The following ASB3 variants were observed in gnomAD, a reference collection of about 807,000 sequenced individuals.
ASB3 encodes the protein ankyrin repeat and SOCS box protein 3.
ASB3 carries 41 observed loss-of-function variants against 54.5 expected under a neutral mutation model. That is an observed-to-expected ratio of 0.75 (90% confidence interval 0.59 to 0.98). ASB3 has a LOEUF of 0.98. Among genes scored for constraint, ASB3 ranks in the 50% least tolerant of loss-of-function variants. The probability of loss-of-function intolerance (pLI) is 0.00; values close to 1 mark genes in which losing one functional copy is unlikely to be tolerated. For synonymous variants in ASB3, 266 were observed against 221.2 expected (o/e 1.20, Z -1.80); for missense variants, 733 against 620.0 (o/e 1.18, Z -1.94).
intron 3 of ASB3, among the ~76,000 whole-genome samples, chr2:53,731,066 C>T (rs1206090516): frequency 6.6e-6 from 1 of 152,080 alleles, no homozygotes; most frequent in Non-Finnish European, 1.5e-5. Flanking sequence ...TGAATTTATA[C>T]CAAAGCTTAT....
intron 1 of ASB3, among the ~76,000 whole-genome samples, chr2:53,781,412 CA>C (rs201329287): frequency 0.08 from 8,271 of 103,438 alleles, 382 homozygotes; most frequent in East Asian, 0.32. Context: ...ACTCTGTCTC[CA>C]AAAAAAAAAA....
intron 3 of ASB3, among the ~76,000 whole-genome samples, chr2:53,735,359 A>T (rs539583609): frequency 3.5e-4 from 54 of 152,280 alleles, no homozygotes; most frequent in African/African-American, 1.2e-3. Flanking sequence ...AAGTATTTCC[A>T]TCCAGACATT....
intron 8 of ASB3, 133 bp downstream of exon 8, chr2:53,700,138 C>G: frequency 1.4e-6 from 2 of 1,391,404 alleles, no homozygotes; most frequent in Non-Finnish European, 1.9e-6. Flanking sequence ...GCCACCAACT[C>G]CTTCACCCCA....
At chr2:53,723,599 GAACCAA>G (rs1670832228) in intron 5 of ASB3, among the ~76,000 whole-genome samples, 1 of 151,856 alleles carries the variant, frequency 6.6e-6, no homozygotes, top group African/African-American at 2.4e-5. Flanking sequence ...AATTCATATG[GAACCAA>G]AAAAGGGCAC....
intron 1 of ASB3, among the ~76,000 whole-genome samples, chr2:53,781,497 AT>A (rs913325367): frequency 4.1e-5 from 6 of 146,270 alleles, no homozygotes; most frequent in South Asian, 2.2e-4. Flanking sequence ...GATTCTTTCC[AT>A]TTTTTTTTTC....
At chr2:53,775,319 T>C (rs1674252936) in intron 1 of ASB3, 1 of 152,228 alleles carries the variant, frequency 6.6e-6, no homozygotes, top group Non-Finnish European at 1.5e-5. Context: ...TTGGAATTCT[T>C]TGTCTGTCAC....
At chr2:53,718,609 G>C (rs768083870) in intron 5 of ASB3, among the ~76,000 whole-genome samples, 12 of 152,002 alleles carry the variant, frequency 7.9e-5, no homozygotes, top group Non-Finnish European at 1.8e-4. Context: ...TCATACAATA[G>C]AAACTGCAAA....
intron 1 of ASB3, among the ~76,000 whole-genome samples, chr2:53,771,415 A>AG (rs35718629): frequency 2.4e-4 from 36 of 152,158 alleles, no homozygotes; most frequent in Non-Finnish European, 4.1e-4. Flanking sequence ...CAGGAGGCTG[A>AG]GGTGAGAGAA....
chr2:53,696,780 T>C (rs1669203677), intron 8 of ASB3, among the ~76,000 whole-genome samples: 1 of 152,136 alleles, frequency 6.6e-6, no homozygotes, highest in Non-Finnish European at 1.5e-5. Flanking sequence ...TTACATAGCA[T>C]TTATAAGGCA....
intron 1 of ASB3, among the ~76,000 whole-genome samples, chr2:53,779,587 C>T (rs1449350767): frequency 1.3e-5 from 2 of 152,138 alleles, no homozygotes; most frequent in African/African-American, 4.8e-5. Flanking sequence ...CTGGCATGTG[C>T]CACCATGCCT....
At chr2:53,715,192 A>C (rs1363087513) in intron 6 of ASB3, among the ~76,000 whole-genome samples, 1 of 152,168 alleles carries the variant, frequency 6.6e-6, no homozygotes, top group Non-Finnish European at 1.5e-5. Context: ...AGAAAGTTCT[A>C]AGAAAATAAT....
intron 2 of ASB3, 120 bp downstream of exon 2, chr2:53,765,257 T>C (rs1449714269): frequency 7.3e-7 from 1 of 1,365,576 alleles, no homozygotes; most frequent in African/African-American, 1.5e-5. Flanking sequence ...ATTCAGGCAG[T>C]TATTTTATGA....
rs756134428 is a variant in ASB3 at position 53,683,987 on chromosome 2, A to G, written c.1369+9897T>C. Among the ~76,000 whole-genome samples the G allele has an allele frequency of 6.6e-5, 10 of 151,852 alleles. 1 individual carries two copies. The highest frequency in any genetic ancestry group is 4.6e-4 in the Admixed American group (7 of 15,248). On this transcript the variant is annotated intron_variant, in intron 9 of 9. Transcript: ENST00000263634. The stretch of plus-strand genomic sequence containing the variant: ...TGATCTTTATTATTTCTTTTCTTCT[A>G]GTAATTTTGCGTTTGGTTTGCTCTG...
At chr2:53,759,802 G>A (rs1023006748) in intron 2 of ASB3, among the ~76,000 whole-genome samples, 17 of 152,294 alleles carry the variant, frequency 1.1e-4, no homozygotes, top group East Asian at 1.9e-4. Context: ...CCCAGGGGAC[G>A]AAGGTCCTCT....
At chr2:53,768,112 C>A in intron 1 of ASB3, 1 of 1,449,010 alleles carries the variant, frequency 6.9e-7, no homozygotes, top group Non-Finnish European at 9.4e-7. Context: ...AGAACCACAC[C>A]TTAGCGCTTC....
rs1667744093 is a variant in ASB3, at chr2:53,670,218, C to T, written c.*285G>A. On this transcript the variant is annotated 3_prime_UTR_variant, in exon 10 of 10. Transcript: ENST00000263634. Reference sequence around the variant, plus strand: ...TAAAGCAGAAAATGATCAAAATGATCAGGTAAATAAATATTACAACATATA... The same window carrying T: ...TAAAGCAGAAAATGATCAAAATGATTAGGTAAATAAATATTACAACATATA... 2.6e-5 allele frequency: 6 copies of T among 229,832 alleles called. No homozygotes were observed. In the South Asian group the frequency reaches 5.4e-4, roughly 21 times the overall value. The allele number at this position is 229,832 out of a possible 1,614,324, so 14.2% of individuals were successfully genotyped here. A position where few individuals can be genotyped will look rare whatever the true frequency, so the allele number is the denominator to read the frequency against.
intron 3 of ASB3, among the ~76,000 whole-genome samples, chr2:53,734,231 C>A (rs1671488155): frequency 6.6e-6 from 1 of 152,216 alleles, no homozygotes; most frequent in Admixed American, 6.5e-5. Context: ...CAACACTCCA[C>A]TTCGCAGTTT....
At chr2:53,673,921 T>C (rs1667950790) in intron 9 of ASB3, among the ~76,000 whole-genome samples, 1 of 152,220 alleles carries the variant, frequency 6.6e-6, no homozygotes, top group African/African-American at 2.4e-5. Context: ...GAGTGTTTCA[T>C]GTGTAGATTA....
chr2:53,762,396 T>C (rs769241962), intron 2 of ASB3, among the ~76,000 whole-genome samples: 1 of 152,218 alleles, frequency 6.6e-6, no homozygotes, highest in Non-Finnish European at 1.5e-5. Context: ...AATAAAATGG[T>C]AGAGTCACTA....
Sources: allele counts gnomAD v4.1 joint callset (sites outside exome capture counted in the v4.1 genomes callset), GRCh38; gene constraint gnomAD v4.1.1; transcripts MANE v1.5; gene names NCBI Gene and HGNC (gene_info 2026-07-23, HGNC 2026-07-21).